DOCK1: variants seen among roughly 807,000 people sequenced by gnomAD.
DOCK1 encodes dedicator of cytokinesis 1.
In DOCK1, 138 loss-of-function variants were observed where a neutral mutation model predicts 262.7. The observed-to-expected ratio is 0.53, with a 90% confidence interval of 0.46 to 0.61. DOCK1 has a LOEUF of 0.61. Ranked by LOEUF, DOCK1 falls within the 20% of genes least tolerant of loss-of-function variation. The probability of loss-of-function intolerance (pLI) is 0.00; values close to 1 mark genes in which losing one functional copy is unlikely to be tolerated. For synonymous variants in DOCK1, 866 were observed against 867.4 expected (o/e 1.00, Z 0.03); for missense variants, 1,908 against 2,370.7 (o/e 0.80, Z 4.05).
At chr10:127,324,123 G>T (rs2062656107) in intron 29 of DOCK1, among the ~76,000 whole-genome samples, 1 of 152,218 alleles carries the variant, frequency 6.6e-6, no homozygotes, top group Admixed American at 6.5e-5. Flanking sequence ...GAAGTGTGAG[G>T]TAGATGCTGG....
intron 27 of DOCK1, among the ~76,000 whole-genome samples, chr10:127,237,320 A>G (rs1191574581): frequency 6.7e-6 from 1 of 148,210 alleles, no homozygotes. Flanking sequence ...AGACCACACC[A>G]TTGCACTCCA....
intron 40 of DOCK1, among the ~76,000 whole-genome samples, chr10:127,407,025 T>C (rs982070866): frequency 5.9e-5 from 9 of 152,010 alleles, no homozygotes; most frequent in African/African-American, 1.7e-4. Flanking sequence ...TTGACTTTTT[T>C]TTTTCGGGGG....
At chr10:126,942,134 C>A (rs1019651816) in intron 1 of DOCK1, among the ~76,000 whole-genome samples, 4 of 151,978 alleles carry the variant, frequency 2.6e-5, no homozygotes, top group African/African-American at 2.4e-5. Flanking sequence ...ACACCATTCT[C>A]CTGCCTCAGC....
intron 28 of DOCK1, among the ~76,000 whole-genome samples, chr10:127,251,849 C>CATGT (rs1387398022): frequency 4.8e-5 from 7 of 147,082 alleles, no homozygotes; most frequent in Non-Finnish European, 1.1e-4. Flanking sequence ...CATACGTGTG[C>CATGT]ATGTGTCTTT....
intron 29 of DOCK1, among the ~76,000 whole-genome samples, chr10:127,283,732 G>A (rs919802986): frequency 6.6e-6 from 1 of 152,130 alleles, no homozygotes; most frequent in East Asian, 1.9e-4. Flanking sequence ...CTTATTGGCT[G>A]CATGAGAGTC....
intron 27 of DOCK1, among the ~76,000 whole-genome samples, chr10:127,163,240 G>A (rs2053748635): frequency 6.6e-6 from 1 of 152,120 alleles, no homozygotes; most frequent in African/African-American, 2.4e-5. Flanking sequence ...TGCAGATCGG[G>A]GCTTGAGGTG....
chr10:126,928,328 G>A (rs927795045), intron 1 of DOCK1, among the ~76,000 whole-genome samples: 6 of 152,206 alleles, frequency 3.9e-5, no homozygotes, highest in Non-Finnish European at 7.3e-5. Flanking sequence ...GTGTCCATGC[G>A]TCCCAGGCCC....
intron 24 of DOCK1, among the ~76,000 whole-genome samples, chr10:127,109,244 A>G (rs2048723510): frequency 6.6e-6 from 1 of 152,220 alleles, no homozygotes; most frequent in African/African-American, 2.4e-5. Flanking sequence ...ACCATTTTAT[A>G]GAACCTTGCC....
chr10:127,438,646 T>C (rs982528049), intron 48 of DOCK1, among the ~76,000 whole-genome samples: 7 of 152,212 alleles, frequency 4.6e-5, no homozygotes, highest in African/African-American at 9.6e-5. Flanking sequence ...TGCATTGACG[T>C]CTATTTTTCC....
chr10:127,339,733 G>GTGTGTGTGCA (rs71032552), intron 30 of DOCK1, among the ~76,000 whole-genome samples: 6,321 of 108,588 alleles, frequency 0.058, 365 homozygotes, highest in East Asian at 0.16. Context: ...GTGTGTGTGT[G>GTGTGTGTGCA]TGCATGCTGT....
At chr10:127,192,101 G>GTA in intron 27 of DOCK1, among the ~76,000 whole-genome samples, 1 of 152,314 alleles carries the variant, frequency 6.6e-6, no homozygotes, top group Middle Eastern at 3.4e-3. Context: ...GGATAGAATA[G>GTA]TATAATTCAT....
At chr10:127,238,272 A>C (rs1166184567) in intron 27 of DOCK1, among the ~76,000 whole-genome samples, 3 of 152,118 alleles carry the variant, frequency 2.0e-5, no homozygotes, top group Admixed American at 2.0e-4. Flanking sequence ...CATTTTTGGC[A>C]AAAAAAGTAA....
chr10:127,239,904 A>G (rs929286665), intron 27 of DOCK1, among the ~76,000 whole-genome samples: 2 of 152,196 alleles, frequency 1.3e-5, no homozygotes, highest in African/African-American at 2.4e-5. Context: ...ATAATTTTGT[A>G]TGTAATATTT....
rs79463082 is a variant in DOCK1 at position 127,175,701 on chromosome 10, C to G, written c.2847+47937C>G. 19 of 1,613,768 alleles carry G rather than the reference C, an allele frequency of 1.2e-5. No homozygotes were observed. Among genetic ancestry groups the G allele is most frequent in the Non-Finnish European group, 1.5e-5 (18 of 1,180,006 alleles). ...GGGCTCCTCGGAGTTTGGCCTCCCC[C>G]GGTCCTGCTTGGCCCTCCCGAGCAG... On this transcript the variant is annotated intron_variant, in intron 27 of 51. Transcript: ENST00000623213. The surrounding 1 kb of genome is among the most constrained non-coding windows in gnomAD (Gnocchi z 6.3).
intron 29 of DOCK1, among the ~76,000 whole-genome samples, chr10:127,307,972 C>T (rs1345296567): frequency 6.6e-6 from 1 of 152,244 alleles, no homozygotes; most frequent in Non-Finnish European, 1.5e-5. Context: ...GGGCTGGTGG[C>T]TGGCTCCATT....
Position 127,032,229 on chromosome 10 carries a change from C to A in DOCK1, c.1821C>A (p.Gly607=). ...AAGAAAAGGGCCACTCGGCCACCGG[C>A]AAGAGCATGCAGAGCCTTGGGAGCT... is the stretch of plus-strand genomic sequence containing the variant. The part of the protein sequence containing the change: ...ELEEKGHSAT[G]KSMQSLGSCT... Residue 607 remains glycine, a synonymous_variant, in exon 18 of 52, where the codon GGC becomes GGA. Transcript: ENST00000623213. The A allele has an allele frequency of 6.2e-7, 1 of 1,601,196 alleles. No homozygotes were observed. The highest frequency in any genetic ancestry group is 8.5e-7 in the Non-Finnish European group (1 of 1,173,810).
chr10:127,187,070 G>A (rs530394506), intron 27 of DOCK1, among the ~76,000 whole-genome samples: 59 of 152,310 alleles, frequency 3.9e-4, no homozygotes, highest in African/African-American at 1.3e-3. Context: ...AATTCACCCC[G>A]GGGCAAAACA....
At chr10:127,054,383 A>C (rs952587793) in intron 22 of DOCK1, among the ~76,000 whole-genome samples, 4 of 152,274 alleles carry the variant, frequency 2.6e-5, no homozygotes, top group South Asian at 2.1e-4. Context: ...CCATTTTTGC[A>C]TACAAATATG....
At chr10:127,232,751 G>A (rs1564921716) in intron 27 of DOCK1, among the ~76,000 whole-genome samples, 1 of 152,132 alleles carries the variant, frequency 6.6e-6, no homozygotes, top group Admixed American at 6.6e-5. Flanking sequence ...ATTTAAACAG[G>A]AAATAGGAGC....
Sources: gnomAD v4.1 joint callset for allele counts (sites outside exome capture counted in the v4.1 genomes callset) on GRCh38, gnomAD v4.1.1 for gene constraint, Gnocchi (gnomAD v3.1) non-coding constraint, MANE v1.5 for transcripts, NCBI Gene and HGNC (gene_info 2026-07-23, HGNC 2026-07-21) for gene names.